The following CCDC39 variants were observed in gnomAD, a reference collection of about 807,000 sequenced individuals.
The protein encoded by CCDC39 is coiled-coil domain-containing protein 39.
A neutral mutation model predicts 121.0 loss-of-function variants in CCDC39; 113 were observed. The observed-to-expected ratio is 0.93, with a 90% CI of 0.80 to 1.09. The LOEUF is 1.09. Ranked by LOEUF, CCDC39 falls within the 50% of genes least tolerant of loss-of-function variation. The pLI is 0.00. For synonymous variants in CCDC39, 349 were observed against 352.2 expected, an observed-to-expected ratio of 0.99 and a Z score of 0.10; for missense variants, 1,063 against 1,074.7, an observed-to-expected ratio of 0.99 and a Z score of 0.15.
At position 180,631,659 on chromosome 3, in the gene CCDC39, G is replaced by A. The variant is rs184028306; in HGVS notation, c.1875-67C>T. 5.4e-3 allele frequency: 7,267 copies of A among 1,349,942 alleles called. 28 individuals carry two copies. Among genetic ancestry groups the A allele is most frequent in the Admixed American group, 0.011 (455 of 41,922 alleles). The allele number at this position is 1,349,942 out of a possible 1,614,324, so 83.6% of individuals were successfully genotyped here. On this transcript the variant is annotated intron_variant, in intron 13 of 19. Transcript: ENST00000476379. Reference sequence around the variant, plus strand: ...TACAATTTTTAAAGGACTATCAAGTGTTCTTATTGAAGACATTTGGATTTG... The same window carrying A: ...TACAATTTTTAAAGGACTATCAAGTATTCTTATTGAAGACATTTGGATTTG...
In CCDC39 at chr3:180,614,797, C is replaced by T; in HGVS notation, c.*124G>A. On this transcript the variant is annotated 3_prime_UTR_variant, in exon 20 of 20. Transcript: ENST00000476379. Reference sequence around the variant, plus strand: ...AACGTTCCTTTTTTTTTAAAACTATCAGTTTTTACACTTACCACTAAGTTT... The same window carrying T: ...AACGTTCCTTTTTTTTTAAAACTATTAGTTTTTACACTTACCACTAAGTTT... 2.7e-6 allele frequency: 2 copies of T among 738,634 alleles called. No homozygotes were observed. Among genetic ancestry groups the T allele is most frequent in the Non-Finnish European group, 4.1e-6 (2 of 486,972 alleles). 45.8% of individuals were successfully genotyped at this position (738,634 alleles called of 1,614,324 possible). A position where few individuals can be genotyped will look rare whatever the true frequency, so the allele number is the denominator to read the frequency against.
intron 3 of CCDC39, 38 bp downstream of exon 3, chr3:180,661,823 C>CAGT: frequency 6.5e-7 from 1 of 1,528,684 alleles, no homozygotes; most frequent in Non-Finnish European, 8.9e-7. Context: ...GAAGAATGAG[C>CAGT]AGTAGCACAG....
At chr3:180,669,747 T>G (rs1711980862) in intron 1 of CCDC39, among the ~76,000 whole-genome samples, 1 of 152,178 alleles carries the variant, frequency 6.6e-6, no homozygotes, top group South Asian at 2.1e-4. Context: ...GGTCCTGTAA[T>G]TGTCCTGTTT....
At chr3:180,667,495 T>C (rs996225949) in intron 1 of CCDC39, among the ~76,000 whole-genome samples, 3 of 152,184 alleles carry the variant, frequency 2.0e-5, no homozygotes, top group African/African-American at 7.2e-5. Flanking sequence ...TTTTTCATTA[T>C]TATTATATCT....
rs1711726552 is a variant in CCDC39, at chr3:180,660,864, T to C, written c.358-136A>G. On this transcript the variant is annotated intron_variant, in intron 3 of 19. Coordinates refer to ENST00000476379, the MANE Select transcript of CCDC39 (RefSeq NM_181426.2). The stretch of plus-strand genomic sequence containing the variant: ...ATCCTGTCCCTGCCTTCCAGATGTT[T>C]ATAATATGCCATATTTTAATAATAT... 8.5e-6 allele frequency: 5 copies of C among 589,998 alleles called. No individual in the cohort carries two copies. The Admixed American group carries it at 1.6e-4, about 19-fold the overall frequency. The allele number at this position is 589,998 out of a possible 1,614,324, so 36.5% of individuals were successfully genotyped here. A position where few individuals can be genotyped will look rare whatever the true frequency, so the allele number is the denominator to read the frequency against.
At chr3:180,625,487 G>C (rs1237577518) in intron 14 of CCDC39, among the ~76,000 whole-genome samples, 1 of 151,364 alleles carries the variant, frequency 6.6e-6, no homozygotes, top group African/African-American at 2.4e-5. Flanking sequence ...TTTTCATCTG[G>C]CATTTCAAGG....
At chr3:180,646,432 C>T (rs1373568919) in intron 11 of CCDC39, among the ~76,000 whole-genome samples, 1 of 152,102 alleles carries the variant, frequency 6.6e-6, no homozygotes, top group African/African-American at 2.4e-5. Flanking sequence ...CATGTCCACA[C>T]TCACTATCTC....
At chr3:180,674,538 G>A (rs1357267220) in intron 1 of CCDC39, among the ~76,000 whole-genome samples, 1 of 152,156 alleles carries the variant, frequency 6.6e-6, no homozygotes, top group Non-Finnish European at 1.5e-5. Flanking sequence ...GGTGAGAGAG[G>A]GCATCCCTGT....
At chr3:180,621,180 G>A (rs759099470) in intron 14 of CCDC39, among the ~76,000 whole-genome samples, 23 of 152,038 alleles carry the variant, frequency 1.5e-4, no homozygotes, top group Admixed American at 3.9e-4. Context: ...TGGACACTTC[G>A]GTTGAATCCA....
intron 13 of CCDC39, among the ~76,000 whole-genome samples, chr3:180,635,315 C>A (rs1441024322): frequency 6.6e-6 from 1 of 152,082 alleles, no homozygotes; most frequent in Admixed American, 6.5e-5. Flanking sequence ...GCCCCTAGTG[C>A]CTCCCAAATC....
chr3:180,648,008 C>T (rs1718113261), intron 10 of CCDC39, among the ~76,000 whole-genome samples, 157 bp downstream of exon 10: 1 of 152,114 alleles, frequency 6.6e-6, no homozygotes, highest in Non-Finnish European at 1.5e-5. Context: ...AAGGCTCCCT[C>T]ACCCTACTAC....
chr3:180,659,797 A>G (rs772798515), intron 4 of CCDC39, 28 bp from the exon 5 acceptor site: 14 of 1,420,870 alleles, frequency 9.9e-6, no homozygotes, highest in Non-Finnish European at 1.4e-5. Context: ...ACAGATACTT[A>G]TAATTCTCAT....
intron 6 of CCDC39, among the ~76,000 whole-genome samples, chr3:180,656,038 A>G (rs1455880945): frequency 6.6e-6 from 1 of 152,222 alleles, no homozygotes; most frequent in Non-Finnish European, 1.5e-5. Flanking sequence ...ATATTAGCAT[A>G]TTAAATGGCT....
intron 1 of CCDC39, among the ~76,000 whole-genome samples, chr3:180,672,518 C>T (rs1712078789): frequency 6.6e-6 from 1 of 152,160 alleles, no homozygotes; most frequent in Admixed American, 6.5e-5. Flanking sequence ...CGCTTGAACC[C>T]AGGAGTTAGA....
At chr3:180,618,352 C>T (rs1376590699) in intron 16 of CCDC39, among the ~76,000 whole-genome samples, 1 of 151,874 alleles carries the variant, frequency 6.6e-6, no homozygotes, top group Non-Finnish European at 1.5e-5. Context: ...CAAAGATTCA[C>T]AGTATCTCTT....
Position 180,660,647 on chromosome 3 carries a change from A to G in CCDC39, c.439T>C (p.Leu147=). 6.2e-7 allele frequency: 1 copy of G among 1,603,514 alleles called. No homozygotes were observed. The highest frequency in any genetic ancestry group is 8.5e-7 in the Non-Finnish European group (1 of 1,174,152). ...CTATCTTTATGAGCTGATTCTTCTA[A>G]CCAGGCCTCCAATGCTTGCTGGTCC... ...NWDQQALEAW[L]EESAHKDSDA... is the part of the protein sequence containing the mutation. Residue 147 remains leucine (L), a synonymous_variant, in exon 4 of 20, where the codon TTA becomes CTA. Coordinates refer to ENST00000476379, the MANE Select transcript of CCDC39 (RefSeq NM_181426.2).
At chr3:180,664,084 C>T in intron 1 of CCDC39, 98 bp from the exon 2 acceptor site, 1 of 1,134,426 alleles carries the variant, frequency 8.8e-7, no homozygotes, top group Non-Finnish European at 1.2e-6. Flanking sequence ...TTTACATTGT[C>T]TTAGTCAATT....
chr3:180,660,508 A>G (rs1711715517), intron 4 of CCDC39, 62 bp downstream of exon 4: 1 of 1,367,424 alleles, frequency 7.3e-7, no homozygotes, highest in Non-Finnish European at 9.7e-7. Context: ...AACTTTAGGT[A>G]AATAGGTTGA....
chr3:180,660,365 A>T (rs1257883624), intron 4 of CCDC39, among the ~76,000 whole-genome samples: 1 of 152,130 alleles, frequency 6.6e-6, no homozygotes, highest in Non-Finnish European at 1.5e-5. Flanking sequence ...AATCTATGAA[A>T]CAGTCAGCAA....
Sources: gnomAD v4.1 joint callset for allele counts (sites outside exome capture counted in the v4.1 genomes callset) on GRCh38, gnomAD v4.1.1 for gene constraint, MANE v1.5 for transcripts, NCBI Gene and HGNC (gene_info 2026-07-23, HGNC 2026-07-21) for gene names.